The following FAM184B variants were observed in gnomAD, a reference collection of about 807,000 sequenced individuals.
FAM184B encodes protein FAM184B.
In FAM184B, 111 loss-of-function variants were observed where a neutral mutation model predicts 135.9. The observed-to-expected ratio is 0.82, with a 90% CI of 0.70 to 0.96. The LOEUF is 0.96. Ranked by LOEUF, FAM184B falls within the 40% of genes least tolerant of loss-of-function variation. The probability of loss-of-function intolerance (pLI) is 0.00; values close to 1 mark genes in which losing one functional copy is unlikely to be tolerated. For missense variants in FAM184B, 1,375 were observed against 1,323.9 expected, an observed-to-expected ratio of 1.04 and a Z score of -0.60; for synonymous variants, 552 against 524.8, an observed-to-expected ratio of 1.05 and a Z score of -0.71.
At chr4:17,690,585 C>A (rs898879815) in intron 6 of FAM184B, among the ~76,000 whole-genome samples, 2 of 152,176 alleles carry the variant, frequency 1.3e-5, no homozygotes, top group East Asian at 3.8e-4. Context: ...TGCAGGGGAA[C>A]AGCAAGGCTA....
Position 17,639,320 on chromosome 4 carries a change from G to T in FAM184B, c.2596C>A (p.Gln866Lys). The T allele has an allele frequency of 5.2e-6, 8 of 1,551,760 alleles. No individual in the cohort carries two copies. Among genetic ancestry groups the T allele is most frequent in the Non-Finnish European group, 6.1e-6 (7 of 1,147,010 alleles). ...TLRQEHRKEM[Q>K]AMVADFSSAQ... ...CTACTGAAATCTGCCACCATGGCCT[G>T]CATCTCCTTCCGGTGTTCCTGGCGC... Residue 866 changes from glutamine to lysine, a missense_variant, in exon 14 of 18, where the codon CAG becomes AAG. By Grantham distance (53) the Gln-to-Lys change is moderately conservative. Transcript: ENST00000265018.
intron 1 of FAM184B, among the ~76,000 whole-genome samples, chr4:17,762,566 C>G (rs1718570322): frequency 6.6e-6 from 1 of 152,196 alleles, no homozygotes; most frequent in Admixed American, 6.6e-5. Flanking sequence ...ACACTTAAGG[C>G]CTCTGCCTGT....
At chr4:17,635,741 G>A (rs1715106601) in intron 15 of FAM184B, among the ~76,000 whole-genome samples, 1 of 151,622 alleles carries the variant, frequency 6.6e-6, no homozygotes, top group Non-Finnish European at 1.5e-5. Flanking sequence ...CCATATCAAT[G>A]TCACCTAATT....
At position 17,768,770 on chromosome 4, in the gene FAM184B, C is replaced by T. The variant is rs1718753629; in HGVS notation, c.141+12389G>A. Among the ~76,000 whole-genome samples, 3 of 151,982 alleles carry T rather than the reference C, an allele frequency of 2.0e-5. No homozygotes were observed. The South Asian group carries it at 6.2e-4, about 32-fold the overall frequency. On this transcript the variant is annotated intron_variant, in intron 1 of 17. Transcript: ENST00000265018. Reference sequence around the variant, plus strand: ...ATAAGGGATTTTATCTGATACATAACAGGTGCTCAGTAAATCAGTAAATGT... The same window carrying T: ...ATAAGGGATTTTATCTGATACATAATAGGTGCTCAGTAAATCAGTAAATGT...
At chr4:17,666,056 C>T (rs1716041541) in intron 7 of FAM184B, among the ~76,000 whole-genome samples, 1 of 152,184 alleles carries the variant, frequency 6.6e-6, no homozygotes, top group Non-Finnish European at 1.5e-5. Context: ...CCTCTTCCCT[C>T]TGATATTTGC....
intron 7 of FAM184B, among the ~76,000 whole-genome samples, chr4:17,683,602 T>G (rs1017178772): frequency 3.3e-5 from 5 of 152,178 alleles, no homozygotes; most frequent in Admixed American, 6.5e-5. Flanking sequence ...CATTGAAGTA[T>G]TATCTATAAT....
intron 7 of FAM184B, among the ~76,000 whole-genome samples, chr4:17,677,926 A>G (rs1716350663): frequency 6.6e-6 from 1 of 152,174 alleles, no homozygotes; most frequent in South Asian, 2.1e-4. Flanking sequence ...AAATCACATG[A>G]TCATCTCAAT....
In FAM184B at chr4:17,763,924, T is replaced by C. The variant is rs530692101; in HGVS notation, c.141+17235A>G. ...TTTTGTTACTTTTTTGGATCTAGCT[T>C]GGCCTTACTAAAAATACCATCTAGA... On this transcript the variant is annotated intron_variant, in intron 1 of 17. Transcript: ENST00000265018. 8.5e-5 allele frequency among the ~76,000 whole-genome samples: 13 copies of C among 152,296 alleles called. No homozygotes were observed. In the South Asian group the frequency reaches 2.5e-3, roughly 29 times the overall value.
At chr4:17,726,253 C>A (rs1035032472) in intron 1 of FAM184B, among the ~76,000 whole-genome samples, 1 of 152,132 alleles carries the variant, frequency 6.6e-6, no homozygotes, top group Admixed American at 6.5e-5. Context: ...ATATACAAAA[C>A]CAGATTCCCA....
intron 6 of FAM184B, among the ~76,000 whole-genome samples, chr4:17,692,492 C>G (rs916715538): frequency 2.0e-5 from 3 of 152,220 alleles, no homozygotes; most frequent in African/African-American, 7.2e-5. Context: ...GTCACAAATA[C>G]AGCTGCAGCT....
intron 10 of FAM184B, among the ~76,000 whole-genome samples, chr4:17,653,223 CCAAT>C (rs145478292): frequency 0.065 from 9,844 of 152,164 alleles, 1,084 homozygotes; most frequent in African/African-American, 0.23. Context: ...CTAACCTGGG[CCAAT>C]CAAAGTTCCT....
At chr4:17,650,212 C>T (rs1715577933) in intron 11 of FAM184B, among the ~76,000 whole-genome samples, 3 of 152,160 alleles carry the variant, frequency 2.0e-5, no homozygotes, top group Non-Finnish European at 2.9e-5. Flanking sequence ...ATCCATCTAG[C>T]ATGTCTAGGT....
chr4:17,705,094 A>T lies in FAM184B; in HGVS notation c.1283T>A (p.Leu428Gln). ...TACCAAGTCTTCTAGTCGCTTCACT[A>T]GCTGGTCTTTGAGATGTTTCTTCTC... ...EEEKKHLKDQ[L>Q]VKRLEDLVKK... The change falls in exon 5 of 18, where the codon CTA (leucine) becomes CAA (glutamine). Residue 428 changes from leucine (L) to glutamine (Q), a missense_variant. Coordinates refer to ENST00000265018, the MANE Select transcript of FAM184B (RefSeq NM_015688.2). 1 of 1,551,684 alleles carries T rather than the reference A, an allele frequency of 6.4e-7. No individual in the cohort carries two copies. Among genetic ancestry groups the T allele is most frequent in the Non-Finnish European group, 8.7e-7 (1 of 1,146,998 alleles).
intron 6 of FAM184B, 40 bp downstream of exon 6, chr4:17,693,262 A>G (rs746122947): frequency 1.2e-5 from 18 of 1,483,362 alleles, no homozygotes; most frequent in Non-Finnish European, 1.6e-5. Context: ...CCCAGGGACC[A>G]GAAACAGCAC....
In FAM184B at chr4:17,652,964, T is replaced by C. The variant is rs909059185; in HGVS notation, c.2057A>G (p.Lys686Arg). ...CTGGAGGCTGTGGCTGGATTCCTTC[T>C]TCAAGCGTTCCTCTGTGGCCTGTGG... ...QELKATEERL[K>R]KESSHSLQIQ... The change falls in exon 11 of 18, where the codon AAG becomes AGG. Residue 686 changes from lysine (K) to arginine (R), a missense_variant. Coordinates refer to ENST00000265018, the MANE Select transcript of FAM184B (RefSeq NM_015688.2). 1.9e-6 allele frequency: 3 copies of C among 1,551,594 alleles called. No individual in the cohort carries two copies. The highest frequency in any genetic ancestry group is 2.6e-6 in the Non-Finnish European group (3 of 1,146,996).
chr4:17,674,552 TAAC>T (rs1214354834), intron 7 of FAM184B, among the ~76,000 whole-genome samples: 2 of 152,138 alleles, frequency 1.3e-5, no homozygotes, highest in Non-Finnish European at 1.5e-5. Context: ...CAAAATAAGA[TAAC>T]AATGAAGTTT....
chr4:17,759,488 T>C (rs972037817), intron 1 of FAM184B, among the ~76,000 whole-genome samples: 2 of 151,806 alleles, frequency 1.3e-5, no homozygotes, highest in African/African-American at 4.9e-5. Flanking sequence ...GTTTCAGGTA[T>C]GTCTTTTTTT....
chr4:17,713,231 T>C (rs1345702240), intron 1 of FAM184B, among the ~76,000 whole-genome samples: 2 of 152,192 alleles, frequency 1.3e-5, no homozygotes, highest in Non-Finnish European at 2.9e-5. Flanking sequence ...AGAATGTAAC[T>C]CAAGGTGCGA....
intron 1 of FAM184B, among the ~76,000 whole-genome samples, chr4:17,766,698 TAAAG>T (rs1395650051): frequency 2.6e-5 from 4 of 152,220 alleles, no homozygotes; most frequent in Admixed American, 2.6e-4. Flanking sequence ...TCGCTAGACA[TAAAG>T]ATTCTCCAAG....
Sources: gnomAD v4.1 joint callset for allele counts (sites outside exome capture counted in the v4.1 genomes callset) on GRCh38, gnomAD v4.1.1 for gene constraint, MANE v1.5 for transcripts, NCBI Gene and HGNC (gene_info 2026-07-23, HGNC 2026-07-21) for gene names.